Variants in CACNA1D observed in about 807,000 individuals in gnomAD.
CACNA1D encodes voltage-dependent L-type calcium channel subunit alpha-1D.
CACNA1D carries 55 observed loss-of-function variants against 257.1 expected under a neutral mutation model. That is an observed-to-expected ratio of 0.21 (90% CI 0.17 to 0.27). CACNA1D has a LOEUF of 0.27. Ranked by LOEUF, CACNA1D falls within the 10% of genes least tolerant of loss-of-function variation. The pLI, the probability that CACNA1D is intolerant of heterozygous loss-of-function variation, is 1.00. For missense variants in CACNA1D, 1,876 were observed against 2,784.0 expected (o/e 0.67, Z 7.34); for synonymous variants, 980 against 1,014.9 (o/e 0.97, Z 0.65).
chr3:53,718,778 A>G lies in CACNA1D; in HGVS notation c.1478+390A>G, dbSNP rs766936071. On this transcript the variant is annotated intron_variant, in intron 10 of 47. Coordinates refer to ENST00000350061, the MANE Select transcript of CACNA1D (RefSeq NM_001128840.3). ...ATTCTCCTTCCAGCCTGGGTTTGGCATTTGTGCTTTTGAAGAAGAGCTTCT... is the reference window on the plus strand; with the variant it reads ...ATTCTCCTTCCAGCCTGGGTTTGGCGTTTGTGCTTTTGAAGAAGAGCTTCT... 11 of 1,522,612 alleles carry G rather than the reference A, an allele frequency of 7.2e-6. 1 individual carries two copies. The South Asian group carries it at 1.2e-4, about 17-fold the overall frequency. 94.3% of individuals were successfully genotyped at this position (1,522,612 alleles called of 1,614,324 possible).
chr3:53,572,881 T>C (rs2092973200), intron 3 of CACNA1D, among the ~76,000 whole-genome samples: 1 of 152,194 alleles, frequency 6.6e-6, no homozygotes, highest in Non-Finnish European at 1.5e-5. Context: ...ACCATCTTTA[T>C]ATGAACAGAA....
In CACNA1D at chr3:53,749,299, G is replaced by A; in HGVS notation, c.3346G>A (p.Glu1116Lys). The change falls in exon 27 of 48, where the codon GAG (glutamate) becomes AAG (lysine). Residue 1116 changes from glutamate to lysine, a missense_variant. Around this residue, in one of 10 missense-constraint regions of CACNA1D, gnomAD observed 271 missense variants for 425.5 expected, o/e 0.64. Transcript: ENST00000350061. Reference protein sequence around the residue: ...LLYKAIDSNGENIGPIYNHRV... With the variant: ...LLYKAIDSNGKNIGPIYNHRV... ...GTATAAAGCCATCGACTCGAATGGA[G>A]AGAACATCGGCCCAATCTACAACCA... The A allele has an allele frequency of 1.9e-6, 3 of 1,614,078 alleles. No individual in the cohort carries two copies. Among genetic ancestry groups the A allele is most frequent in the Non-Finnish European group, 2.5e-6 (3 of 1,179,918 alleles).
intron 3 of CACNA1D, among the ~76,000 whole-genome samples, chr3:53,502,005 A>C (rs1445030874): frequency 6.6e-6 from 1 of 151,356 alleles, no homozygotes; most frequent in Admixed American, 6.6e-5. Context: ...TCTCCACATA[A>C]GTTTTTGCTA....
chr3:53,811,300 A>G lies in CACNA1D; in HGVS notation c.6380A>G (p.Asp2127Gly), dbSNP rs1176470369. 3.1e-6 allele frequency: 5 copies of G among 1,613,672 alleles called. No individual in the cohort carries two copies. Among genetic ancestry groups the G allele is most frequent in the South Asian group, 1.1e-5 (1 of 91,074 alleles). ...GTGGGCCCCCTCTCACACCGGCAGG[A>G]CTATGAGCTACAGGACTTTGGTCCT... The part of the protein sequence containing the change: ...GDVGPLSHRQ[D>G]YELQDFGPGY... Residue 2127 changes from aspartate (D) to glycine (G), a missense_variant, in exon 48 of 48, where the codon GAC becomes GGC. Physicochemically the swap from Asp to Gly is moderately conservative, Grantham distance 94. Around this residue, in one of 10 missense-constraint regions of CACNA1D, gnomAD observed 491 missense variants for 554.3 expected, o/e 0.89. Transcript: ENST00000350061. The surrounding 1 kb of genome is among the most constrained non-coding windows in gnomAD (Gnocchi z 4.2).
intron 3 of CACNA1D, among the ~76,000 whole-genome samples, chr3:53,508,423 C>T (rs2090954539): frequency 6.6e-6 from 1 of 152,130 alleles, no homozygotes; most frequent in Non-Finnish European, 1.5e-5. Context: ...TTTCATCACC[C>T]AGGTATTAAG....
At chr3:53,580,467 A>G (rs2107743827) in intron 3 of CACNA1D, among the ~76,000 whole-genome samples, 1 of 152,332 alleles carries the variant, frequency 6.6e-6, no homozygotes, top group South Asian at 2.1e-4. Flanking sequence ...CGTACCAAGT[A>G]TCTTGCCTTG....
chr3:53,619,123 C>T (rs1263046625), intron 3 of CACNA1D, among the ~76,000 whole-genome samples: 1 of 152,174 alleles, frequency 6.6e-6, no homozygotes, highest in Non-Finnish European at 1.5e-5. Flanking sequence ...GGGCAGAAAC[C>T]ACACCAATAA....
chr3:53,718,482 G>A, intron 10 of CACNA1D, 94 bp downstream of exon 10: 4 of 1,230,888 alleles, frequency 3.2e-6, no homozygotes, highest in Non-Finnish European at 4.7e-6. Context: ...AGAGCCCCGG[G>A]CCATCGCCTT....
At chr3:53,670,003 G>A (rs2094307199) in intron 7 of CACNA1D, among the ~76,000 whole-genome samples, 1 of 152,162 alleles carries the variant, frequency 6.6e-6, no homozygotes. Flanking sequence ...GTTTTTAAAT[G>A]CAGGAAATAA....
Position 53,670,634 on chromosome 3 carries a change from T to C in CACNA1D, c.1117-2389T>C, listed in dbSNP as rs376362711. 2.0e-5 allele frequency among the ~76,000 whole-genome samples: 3 copies of C among 152,192 alleles called. No homozygotes were observed. In the East Asian group the frequency reaches 5.8e-4, roughly 29 times the overall value. On this transcript the variant is annotated intron_variant, in intron 7 of 47. Coordinates refer to ENST00000350061, the MANE Select transcript of CACNA1D (RefSeq NM_001128840.3). ...TGTTGGGATTGCAGGCGTGAGCTGC[T>C]GCACCCGGCCCATTTCAGCCTTCTA...
At chr3:53,566,516 T>C (rs1307306002) in intron 3 of CACNA1D, among the ~76,000 whole-genome samples, 1 of 152,162 alleles carries the variant, frequency 6.6e-6, no homozygotes, top group Non-Finnish European at 1.5e-5. Context: ...ACATGGCACC[T>C]GACACATATT....
rs538996336 is a variant in CACNA1D, at chr3:53,538,141, G to GTT, written c.483+36446_483+36447dup. ...TTCTCCATATTTACCAGTTTTTGAA[G>GTT]TTTTTTTTTTTTTTTTTTTTTTTTT... On this transcript the variant is annotated intron_variant, in intron 3 of 47. Coordinates refer to ENST00000350061, the MANE Select transcript of CACNA1D (RefSeq NM_001128840.3). 9.4e-3 allele frequency among the ~76,000 whole-genome samples: 853 copies of GTT among 90,442 alleles called. 147 individuals carry two copies. The highest frequency in any genetic ancestry group is 0.043 in the African/African-American group (709 of 16,646). 59.3% of individuals were successfully genotyped at this position (90,442 alleles called of 152,430 possible).
At chr3:53,520,850 CT>C (rs2091528741) in intron 3 of CACNA1D, among the ~76,000 whole-genome samples, 3 of 44,302 alleles carry the variant, frequency 6.8e-5, no homozygotes, top group Non-Finnish European at 1.7e-4. Flanking sequence ...TTGCAAACTC[CT>C]TTCTTTCTTT....
At chr3:53,763,843 C>T (rs1391936794) in intron 30 of CACNA1D, among the ~76,000 whole-genome samples, 8 of 152,302 alleles carry the variant, frequency 5.3e-5, no homozygotes, top group African/African-American at 1.9e-4. Flanking sequence ...CCAGCTCCCT[C>T]ATGGGCCAAG....
intron 8 of CACNA1D, among the ~76,000 whole-genome samples, chr3:53,686,493 C>T (rs1352827769): frequency 6.6e-6 from 1 of 151,808 alleles, no homozygotes; most frequent in African/African-American, 2.4e-5. Context: ...ATCTCATGGC[C>T]AAGTGGGATT....
intron 3 of CACNA1D, among the ~76,000 whole-genome samples, chr3:53,519,873 T>C (rs2091483453): frequency 6.6e-6 from 1 of 152,234 alleles, no homozygotes; most frequent in African/African-American, 2.4e-5. Context: ...TGGATTTACC[T>C]ATTCTGAATA....
intron 45 of CACNA1D, among the ~76,000 whole-genome samples, chr3:53,806,989 G>A (rs2095569425): frequency 6.6e-6 from 1 of 152,148 alleles, no homozygotes; most frequent in African/African-American, 2.4e-5. Context: ...GGAGCTGAGT[G>A]GGCAGGAGTG....
intron 30 of CACNA1D, among the ~76,000 whole-genome samples, chr3:53,768,827 C>T: frequency 6.6e-6 from 1 of 152,196 alleles, no homozygotes; most frequent in East Asian, 1.9e-4. Context: ...CTACCTTTCC[C>T]CAGATCCCCA....
At chr3:53,782,239 AGT>A (rs1184750172) in intron 39 of CACNA1D, 1,452 of 108,840 alleles carry the variant, frequency 0.013, 63 homozygotes, top group African/African-American at 0.051. Flanking sequence ...ACACACATAC[AGT>A]GTGTGTGTGT....
Sources: gnomAD v4.1 joint callset for allele counts (sites outside exome capture counted in the v4.1 genomes callset) on GRCh38, gnomAD v4.1.1 for gene constraint, gnomAD v4.1.1 regional missense constraint, Gnocchi (gnomAD v3.1) non-coding constraint, MANE v1.5 for transcripts, NCBI Gene and HGNC (gene_info 2026-07-23, HGNC 2026-07-21) for gene names.